SHISA9: variants seen among roughly 807,000 people sequenced by gnomAD.
SHISA9 encodes the protein shisa family member 9.
Under a neutral mutation model 38.0 loss-of-function variants are expected in SHISA9, and 13 were observed. The observed-to-expected ratio is 0.34, with a 90% CI of 0.22 to 0.54. SHISA9 has a LOEUF of 0.54. SHISA9 is among the 20% of genes least tolerant of loss of function. SHISA9 has a pLI of 0.91. For missense variants in SHISA9, 538 were observed against 575.8 expected (o/e 0.93, Z 0.67); for synonymous variants, 275 against 242.0 (o/e 1.14, Z -1.27).
intron 2 of SHISA9, among the ~76,000 whole-genome samples, chr16:13,125,109 G>A (rs1033729498): frequency 6.6e-6 from 1 of 152,038 alleles, no homozygotes; most frequent in African/African-American, 2.4e-5. Flanking sequence ...AGCAAAAATG[G>A]TCAAATGGGA....
At chr16:13,370,870 A>G in the SHISA9 span, among the ~76,000 whole-genome samples, 2 of 152,298 alleles carry the variant, frequency 1.3e-5, no homozygotes, top group African/African-American at 2.4e-5. Context: ...AGAAATAATA[A>G]TAATAATAGC....
At chr16:13,002,679 C>T (rs369341219) in intron 2 of SHISA9, among the ~76,000 whole-genome samples, 8 of 151,638 alleles carry the variant, frequency 5.3e-5, no homozygotes, top group African/African-American at 1.2e-4. Flanking sequence ...ATTACAGATG[C>T]GCACCACCGC....
intron 2 of SHISA9, among the ~76,000 whole-genome samples, chr16:13,164,980 T>C (rs2050623905): frequency 6.6e-6 from 1 of 152,210 alleles, no homozygotes; most frequent in Non-Finnish European, 1.5e-5. Flanking sequence ...TTCCTCTGTA[T>C]ATAATGCATC....
At position 12,902,434 on chromosome 16, in the gene SHISA9, G is replaced by A; in HGVS notation, c.370G>A (p.Asp124Asn). The change falls in exon 1 of 5, where the codon GAC becomes AAC. Residue 124 changes from aspartate to asparagine, a missense_variant. Transcript: ENST00000558583. ...RLNQSTCTNY[D>N]TPLWLNTGKP... ...GAACCAAAGCACCTGCACCAACTAC[G>A]ACACGCCGCTCTGGCTCAACACCGG... 6.4e-7 allele frequency: 1 copy of A among 1,551,214 alleles called. No individual in the cohort carries two copies. Among genetic ancestry groups the A allele is most frequent in the Non-Finnish European group, 8.7e-7 (1 of 1,146,958 alleles).
intron 2 of SHISA9, among the ~76,000 whole-genome samples, chr16:13,113,124 C>T (rs977754332): frequency 2.7e-5 from 4 of 148,696 alleles, no homozygotes; most frequent in South Asian, 2.1e-4. Context: ...GCACGAGAAT[C>T]GCTTCAACCC....
At chr16:13,167,335 G>T (rs181154016) in intron 2 of SHISA9, among the ~76,000 whole-genome samples, 267 of 152,236 alleles carry the variant, frequency 1.8e-3, no homozygotes, top group Middle Eastern at 0.014. Flanking sequence ...GCCTCCAAAA[G>T]TGCTGGGATC....
chr16:13,094,808 C>T (rs1311255364), intron 2 of SHISA9, among the ~76,000 whole-genome samples: 2 of 152,156 alleles, frequency 1.3e-5, no homozygotes, highest in Non-Finnish European at 2.9e-5. Context: ...TCAAGTTTTG[C>T]TTCTTACTAG....
chr16:12,973,560 T>C (rs2072114136), intron 2 of SHISA9, among the ~76,000 whole-genome samples: 1 of 152,202 alleles, frequency 6.6e-6, no homozygotes. Flanking sequence ...TCACTCTCCT[T>C]CCTCCTGCAG....
the SHISA9 span, among the ~76,000 whole-genome samples, chr16:13,486,387 C>A: frequency 4.6e-4 from 70 of 152,316 alleles, no homozygotes; most frequent in African/African-American, 1.6e-3. Flanking sequence ...GTCTTGGCTT[C>A]CAAGAATAAT....
chr16:13,332,789 T>C, the SHISA9 span, among the ~76,000 whole-genome samples: 1 of 152,118 alleles, frequency 6.6e-6, no homozygotes, highest in Non-Finnish European at 1.5e-5. Flanking sequence ...CACAATAAAA[T>C]AATCAGGCGT....
chr16:12,951,543 C>T (rs1293628732), intron 2 of SHISA9, among the ~76,000 whole-genome samples: 1 of 152,050 alleles, frequency 6.6e-6, no homozygotes, highest in African/African-American at 2.4e-5. Context: ...GGATTTGGCC[C>T]ATGGACTGTA....
At chr16:13,291,882 G>A in the SHISA9 span, among the ~76,000 whole-genome samples, 1 of 152,144 alleles carries the variant, frequency 6.6e-6, no homozygotes, top group Non-Finnish European at 1.5e-5. Flanking sequence ...GAGCCTTTAT[G>A]AAGATCACAA....
At chr16:13,014,909 C>T (rs1275523328) in intron 2 of SHISA9, among the ~76,000 whole-genome samples, 2 of 152,234 alleles carry the variant, frequency 1.3e-5, no homozygotes, top group Admixed American at 6.5e-5. Flanking sequence ...TTGGCATGTT[C>T]GGATACTGCC....
the SHISA9 span, among the ~76,000 whole-genome samples, chr16:13,303,099 T>A: frequency 2.0e-5 from 3 of 152,198 alleles, no homozygotes; most frequent in Non-Finnish European, 4.4e-5. Context: ...TGGCAATAAC[T>A]GTTTTTTGCC....
the SHISA9 span, among the ~76,000 whole-genome samples, chr16:13,311,332 C>T: frequency 1.3e-5 from 2 of 151,936 alleles, no homozygotes; most frequent in African/African-American, 4.8e-5. Flanking sequence ...TCATCCTACG[C>T]AATAACTGGG....
At chr16:13,528,525 C>G in the SHISA9 span, among the ~76,000 whole-genome samples, 1 of 151,998 alleles carries the variant, frequency 6.6e-6, no homozygotes, top group Admixed American at 6.6e-5. Context: ...CATCAAGATC[C>G]TCATTAAAAG....
chr16:13,483,546 T>C, the SHISA9 span, among the ~76,000 whole-genome samples: 1 of 152,140 alleles, frequency 6.6e-6, no homozygotes, highest in Non-Finnish European at 1.5e-5. Flanking sequence ...CATAGCCTTT[T>C]TCCAGTCTTT....
At chr16:13,420,121 C>G in the SHISA9 span, among the ~76,000 whole-genome samples, 2 of 151,830 alleles carry the variant, frequency 1.3e-5, no homozygotes, top group African/African-American at 4.8e-5. Flanking sequence ...TGGTGGGCAC[C>G]TGTAATCCCA....
the SHISA9 span, among the ~76,000 whole-genome samples, chr16:13,403,954 A>G: frequency 3.9e-5 from 6 of 152,294 alleles, no homozygotes; most frequent in Non-Finnish European, 7.4e-5. Flanking sequence ...CTGTGACCCT[A>G]TCAAGTCAGA....
Sources: allele counts gnomAD v4.1 joint callset (sites outside exome capture counted in the v4.1 genomes callset), GRCh38; gene constraint gnomAD v4.1.1; transcripts MANE v1.5; gene names NCBI Gene and HGNC (gene_info 2026-07-23, HGNC 2026-07-21).